THADA: variants seen among roughly 807,000 people sequenced by gnomAD.
The protein encoded by THADA is THADA armadillo repeat containing, also known as tRNA (32-2'-O)-methyltransferase regulator THADA.
THADA carries 213 observed loss-of-function variants against 219.8 expected under a neutral mutation model. The observed-to-expected ratio is 0.97, with a 90% CI of 0.87 to 1.09. The LOEUF (loss-of-function observed/expected upper bound fraction) is 1.09. THADA is among the 50% of genes least tolerant of loss of function. THADA has a pLI of 0.00. For missense variants in THADA, 2,956 were observed against 2,311.3 expected (o/e 1.28, Z -5.72); for synonymous variants, 1,018 against 828.9 (o/e 1.23, Z -3.92).
intron 28 of THADA, among the ~76,000 whole-genome samples, chr2:43,404,964 C>A (rs1157196882): frequency 6.6e-6 from 1 of 152,182 alleles, no homozygotes; most frequent in Non-Finnish European, 1.5e-5. Flanking sequence ...AACCTTTATA[C>A]ACATTTACAA....
chr2:43,489,631 C>A (rs1687362949), intron 25 of THADA, among the ~76,000 whole-genome samples: 1 of 152,042 alleles, frequency 6.6e-6, no homozygotes, highest in Non-Finnish European at 1.5e-5. Context: ...TTGTTGAAGG[C>A]TATTCTTTCT....
chr2:43,427,626 G>C (rs551092709), intron 28 of THADA, among the ~76,000 whole-genome samples: 1 of 147,760 alleles, frequency 6.8e-6, no homozygotes, highest in African/African-American at 2.5e-5. Context: ...ATATATAATA[G>C]TTTTTAATAT....
intron 22 of THADA, among the ~76,000 whole-genome samples, chr2:43,514,628 A>AT (rs1443739748): frequency 1.9e-5 from 2 of 102,774 alleles, no homozygotes; most frequent in African/African-American, 8.4e-5. Context: ...TTTTATATAT[A>AT]TGTATATTTT....
intron 29 of THADA, among the ~76,000 whole-genome samples, chr2:43,348,726 A>G (rs1002433448): frequency 8.5e-5 from 13 of 152,228 alleles, no homozygotes; most frequent in African/African-American, 3.1e-4. Context: ...AACAAGGGGC[A>G]TCTTTCAAGA....
intron 29 of THADA, among the ~76,000 whole-genome samples, chr2:43,367,371 C>T (rs948365081): frequency 1.4e-4 from 21 of 152,148 alleles, no homozygotes; most frequent in African/African-American, 4.3e-4. Context: ...AAATTCCCTA[C>T]ACTCAAGTCA....
At chr2:43,519,928 GA>G (rs1692202996) in intron 22 of THADA, among the ~76,000 whole-genome samples, 1 of 152,176 alleles carries the variant, frequency 6.6e-6, no homozygotes, top group Non-Finnish European at 1.5e-5. Flanking sequence ...CCCCAGCAAG[GA>G]AAGATTTCTT....
intron 26 of THADA, among the ~76,000 whole-genome samples, chr2:43,446,185 T>A (rs1681512805): frequency 6.6e-6 from 1 of 152,258 alleles, no homozygotes; most frequent in African/African-American, 2.4e-5. Context: ...CACAATCAAT[T>A]AACTGTTATA....
intron 29 of THADA, among the ~76,000 whole-genome samples, 179 bp downstream of exon 29, chr2:43,397,792 T>C (rs900932965): frequency 1.3e-5 from 2 of 152,066 alleles, no homozygotes; most frequent in Non-Finnish European, 2.9e-5. Context: ...ACTGTAGTGA[T>C]ATTTGGGATG....
chr2:43,496,384 T>G (rs1054855549), intron 25 of THADA, among the ~76,000 whole-genome samples: 10 of 152,242 alleles, frequency 6.6e-5, no homozygotes, highest in African/African-American at 2.2e-4. Context: ...TCAAAATGCT[T>G]CTGGACAGTG....
intron 22 of THADA, among the ~76,000 whole-genome samples, chr2:43,512,448 A>C (rs1220831475): frequency 6.6e-6 from 1 of 152,196 alleles, no homozygotes; most frequent in African/African-American, 2.4e-5. Context: ...TACTAAAATT[A>C]AACATACTAC....
rs374429019 is a variant in THADA at position 43,382,961 on chromosome 2, ATT to A, written c.4227+15008_4227+15009del. ...TTATGTTCTCTGACCACAAAATAAC[ATT>A]TTAAGAAAATTTAACAATAAAATCT... On this transcript the variant is annotated intron_variant, in intron 29 of 37. Coordinates refer to ENST00000405975, the MANE Select transcript of THADA (RefSeq NM_022065.5). Among the ~76,000 whole-genome samples the A allele has an allele frequency of 4.2e-4, 64 of 152,316 alleles. No individual in the cohort carries two copies. The South Asian group carries it at 0.013, about 31-fold the overall frequency.
chr2:43,293,577 C>T (rs1356469549), intron 31 of THADA, among the ~76,000 whole-genome samples: 1 of 152,128 alleles, frequency 6.6e-6, no homozygotes, highest in East Asian at 1.9e-4. Context: ...GGTGAAGCTC[C>T]CCTCTGTAAC....
At chr2:43,312,208 C>CAAA (rs35043804) in intron 31 of THADA, among the ~76,000 whole-genome samples, 1 of 117,874 alleles carries the variant, frequency 8.5e-6, no homozygotes, top group Non-Finnish European at 1.9e-5. Flanking sequence ...GACAAAGCTG[C>CAAA]AAAAAAAAAA....
chr2:43,320,021 G>A (rs1284326871), intron 31 of THADA, among the ~76,000 whole-genome samples: 1 of 152,208 alleles, frequency 6.6e-6, no homozygotes, highest in African/African-American at 2.4e-5. Context: ...CAACTCATAA[G>A]TGCATTGGTG....
At chr2:43,331,918 TACACAC>T (rs141276481) in intron 30 of THADA, among the ~76,000 whole-genome samples, 2 of 142,742 alleles carry the variant, frequency 1.4e-5, no homozygotes, top group Non-Finnish European at 3.1e-5. Context: ...ATATATCTAA[TACACAC>T]ACACACACAC....
chr2:43,248,279 G>C (rs1452523366), intron 36 of THADA, among the ~76,000 whole-genome samples: 1 of 150,570 alleles, frequency 6.6e-6, no homozygotes, highest in African/African-American at 2.4e-5. Flanking sequence ...ACCCAGGCTG[G>C]AGTGCAGTGG....
At chr2:43,388,381 G>A in intron 29 of THADA, among the ~76,000 whole-genome samples, 1 of 152,088 alleles carries the variant, frequency 6.6e-6, no homozygotes, top group Non-Finnish European at 1.5e-5. Flanking sequence ...AGTAAGAGTG[G>A]AATGGCTCGC....
chr2:43,398,773 T>C (rs1674414808), intron 28 of THADA, among the ~76,000 whole-genome samples: 1 of 152,174 alleles, frequency 6.6e-6, no homozygotes, highest in Non-Finnish European at 1.5e-5. Flanking sequence ...CAGAGGTTCA[T>C]GAATAACAGT....
At chr2:43,444,774 C>T (rs1429673544) in intron 26 of THADA, among the ~76,000 whole-genome samples, 2 of 152,030 alleles carry the variant, frequency 1.3e-5, no homozygotes, top group South Asian at 2.1e-4. Flanking sequence ...ATACACACAT[C>T]CCATATCATT....
Sources: allele counts gnomAD v4.1 joint callset (sites outside exome capture counted in the v4.1 genomes callset), GRCh38; gene constraint gnomAD v4.1.1; transcripts MANE v1.5; gene names NCBI Gene and HGNC (gene_info 2026-07-23, HGNC 2026-07-21).